The following MCM7 variants were observed in gnomAD, a reference collection of about 807,000 sequenced individuals.
MCM7 encodes DNA replication licensing factor MCM7.
MCM7 carries 95 observed loss-of-function variants against 83.5 expected under a neutral mutation model. The ratio of observed to expected loss-of-function variants is 1.14; its 90% CI spans 0.96 to 1.35. MCM7 has a LOEUF of 1.35. MCM7 is among the 40% of genes most tolerant of loss of function. The pLI is 0.00. For synonymous variants in MCM7, 461 were observed against 352.7 expected, an observed-to-expected ratio of 1.31 and a Z score of -3.44; for missense variants, 1,087 against 957.4, an observed-to-expected ratio of 1.14 and a Z score of -1.79.
chr7:100,097,235 T>C (rs1795686550), intron 10 of MCM7, 66 bp downstream of exon 10: 2 of 1,445,478 alleles, frequency 1.4e-6, no homozygotes, highest in Non-Finnish European at 1.9e-6. Context: ...GCACCCCTAC[T>C]TTTTGAATAA....
Position 100,096,127 on chromosome 7 carries a change from A to G in MCM7, c.1242T>C (p.Leu414=), listed in dbSNP as rs758902950. Residue 414 remains leucine, a synonymous_variant, in exon 11 of 15, where the codon CTT becomes CTC. Coordinates refer to ENST00000303887, the MANE Select transcript of MCM7 (RefSeq NM_005916.5). The part of the protein sequence containing the change: ...TTGRGSSGVG[L]TAAVLRDSVS... The stretch of plus-strand genomic sequence containing the variant: ...CGGAGTCTCTCAGCACAGCTGCCGT[A>G]AGCCCCACTCCTGAGGAGCCCCGGC... The G allele has an allele frequency of 4.3e-6, 7 of 1,613,362 alleles. No individual in the cohort carries two copies. The highest frequency in any genetic ancestry group is 2.2e-5 in the East Asian group (1 of 44,860).
chr7:100,093,854 G>A (rs1179664219), intron 13 of MCM7: 5 of 639,616 alleles, frequency 7.8e-6, no homozygotes, highest in African/African-American at 1.8e-5. Flanking sequence ...CCAGGACTGA[G>A]GTCCAAGACG....
In MCM7 at chr7:100,098,127, A is replaced by T; in HGVS notation, c.870+14T>A. 6.2e-7 allele frequency: 1 copy of T among 1,613,550 alleles called. No individual in the cohort carries two copies. Among genetic ancestry groups the T allele is most frequent in the Non-Finnish European group, 8.5e-7 (1 of 1,179,640 alleles). ...AAGGGGATGATCCATTCCTCATGTC[A>T]AACTCTTCCTTACCTGTACCACCTG... On this transcript the variant is annotated intron_variant, in intron 7 of 14. Transcript: ENST00000303887.
chr7:100,095,284 AGTG>A lies in MCM7; in HGVS notation c.1679+100_1679+102del, dbSNP rs951010183. 3.3e-5 allele frequency: 31 copies of A among 947,454 alleles called. No individual in the cohort carries two copies. The African/African-American group carries it at 4.2e-4, about 13-fold the overall frequency. 58.7% of individuals were successfully genotyped at this position (947,454 alleles called of 1,614,324 possible). A position where few individuals can be genotyped will look rare whatever the true frequency, so the allele number is the denominator to read the frequency against. ...GGCTCTGGACATGTCTGTAGCGGGA[AGTG>A]GTGGTGTGAAAAACACACACCCTAA... On this transcript the variant is annotated intron_variant, in intron 12 of 14. Coordinates refer to ENST00000303887, the MANE Select transcript of MCM7 (RefSeq NM_005916.5).
At chr7:100,101,193 A>C (rs1796003549) in intron 1 of MCM7, 71 bp downstream of exon 1, 1 of 1,586,118 alleles carries the variant, frequency 6.3e-7, no homozygotes, top group Non-Finnish European at 8.6e-7. Context: ...CCAAGACCCC[A>C]GCTCACACCA....
rs1795612099 is a variant in MCM7, at chr7:100,095,975, T to G, written c.1394A>C (p.Gln465Pro). The part of the protein sequence containing the change: ...RTAIHEVMEQ[Q>P]TISIAKAGIL... The stretch of plus-strand genomic sequence containing the variant: ...GCCGGCCTTGGCAATGGAGATGGTC[T>G]GCTGCTCCATGACCTCGTGGATGGC... The change falls in exon 11 of 15, where the codon CAG becomes CCG. Residue 465 changes from glutamine (Q) to proline (P), a missense_variant. Gln to Pro is a moderately conservative substitution (Grantham distance 76). Transcript: ENST00000303887. 1.9e-6 allele frequency: 3 copies of G among 1,614,144 alleles called. No homozygotes were observed. The highest frequency in any genetic ancestry group is 2.5e-6 in the Non-Finnish European group (3 of 1,180,016).
chr7:100,096,244 G>A (rs1287763860), intron 10 of MCM7, 77 bp from the exon 11 acceptor site: 13 of 1,423,628 alleles, frequency 9.1e-6, no homozygotes, highest in Non-Finnish European at 1.2e-5. Context: ...AAACGGGCCA[G>A]GGAGGCGAGG....
Position 100,093,806 on chromosome 7 carries a change from G to A in MCM7, c.1848+367C>T, listed in dbSNP as rs72631824. The A allele has an allele frequency of 6.6e-4, 413 of 622,262 alleles. 1 individual carries two copies. The highest frequency in any genetic ancestry group is 6.4e-3 in the African/African-American group (353 of 55,568). The allele number at this position is 622,262 out of a possible 1,614,324, so 38.5% of individuals were successfully genotyped here. On this transcript the variant is annotated intron_variant, in intron 13 of 14. Transcript: ENST00000303887. ...AAGTGCTAGCTCAGCAGTAGGTTGG[G>A]TAATCACACTACCTGCACGAACAGC... is the stretch of plus-strand genomic sequence containing the variant.
Position 100,096,124 on chromosome 7 carries a change from CG to C in MCM7, c.1244del (p.Thr415ArgfsTer5). The C allele has an allele frequency of 6.2e-7, 1 of 1,613,400 alleles. No homozygotes were observed. The highest frequency in any genetic ancestry group is 8.5e-7 in the Non-Finnish European group (1 of 1,179,604). The part of the protein sequence containing the change: ...TGRGSSGVGL[T>X]AAVLRDSVSG... Reference sequence around the variant, plus strand: ...TCACGGAGTCTCTCAGCACAGCTGCCGTAAGCCCCACTCCTGAGGAGCCCCG... The same window carrying C: ...TCACGGAGTCTCTCAGCACAGCTGCCTAAGCCCCACTCCTGAGGAGCCCCG... On this transcript the variant is annotated frameshift_variant, in exon 11 of 15. Coordinates refer to ENST00000303887, the MANE Select transcript of MCM7 (RefSeq NM_005916.5). LOFTEE classifies it high-confidence loss of function.
At chr7:100,094,591 A>G (rs541109504) in intron 12 of MCM7, among the ~76,000 whole-genome samples, 1 of 152,264 alleles carries the variant, frequency 6.6e-6, no homozygotes, top group South Asian at 2.1e-4. Flanking sequence ...TGGCCTTTGT[A>G]AGACAAATCC....
rs1171149282 is a variant in MCM7, at chr7:100,093,043, G to A, written c.2049C>T (p.Arg683=). 3 of 1,614,130 alleles carry A rather than the reference G, an allele frequency of 1.9e-6. No individual in the cohort carries two copies. The highest frequency in any genetic ancestry group is 1.7e-5 in the Admixed American group (1 of 60,016). The change falls in exon 15 of 15, where the codon CGC becomes CGT. Residue 683 remains arginine, a synonymous_variant. Coordinates refer to ENST00000303887, the MANE Select transcript of MCM7 (RefSeq NM_005916.5). The part of the protein sequence containing the change: ...RSVRFSEAEQ[R]CVSRGFTPAQ... ...CGGGTGTGAAGCCACGAGATACACA[G>A]CGCTGCTCTGCCTCAGAGAACCGGA... is the stretch of plus-strand genomic sequence containing the variant.
intron 7 of MCM7, 35 bp downstream of exon 7, chr7:100,098,106 G>A (rs1171295250): frequency 6.2e-7 from 1 of 1,610,410 alleles, no homozygotes; most frequent in South Asian, 1.1e-5. Flanking sequence ...AGGGAAAAGG[G>A]GATGATCCAT....
intron 12 of MCM7, among the ~76,000 whole-genome samples, chr7:100,094,661 T>C (rs563419727): frequency 1.3e-5 from 2 of 152,210 alleles, no homozygotes; most frequent in African/African-American, 4.8e-5. Context: ...GCAAAACATA[T>C]ATTTTATTTA....
intron 6 of MCM7, 80 bp from the exon 7 acceptor site, chr7:100,098,370 G>T: frequency 6.5e-7 from 1 of 1,547,280 alleles, no homozygotes; most frequent in African/African-American, 1.4e-5. Context: ...CCACTCAAAG[G>T]CTCCCAGGCT....
At chr7:100,097,977 T>C in intron 7 of MCM7, 29 bp from the exon 8 acceptor site, 1 of 1,602,864 alleles carries the variant, frequency 6.2e-7, no homozygotes, top group Non-Finnish European at 8.5e-7. Flanking sequence ...AGGATACAGA[T>C]GTAATCCCTT....
At chr7:100,099,245 A>C (rs1260431023) in intron 4 of MCM7, 34 bp downstream of exon 4, 1 of 1,614,078 alleles carries the variant, frequency 6.2e-7, no homozygotes, top group Admixed American at 1.7e-5. Flanking sequence ...CTGGAGAACC[A>C]ATCCCTACAT....
Position 100,099,286 on chromosome 7 carries a change from G to T in MCM7, c.394C>A (p.Arg132Ser), listed in dbSNP as rs753188990. 4 of 1,613,972 alleles carry T rather than the reference G, an allele frequency of 2.5e-6. No individual in the cohort carries two copies. Among genetic ancestry groups the T allele is most frequent in the Non-Finnish European group, 3.4e-6 (4 of 1,180,026 alleles). Reference sequence around the variant, plus strand: ...CCGACAGAGACCACTCACAATCTGCGCATGAGTTCAGCAGGGTACTGGTTC... The same window carrying T: ...CCGACAGAGACCACTCACAATCTGCTCATGAGTTCAGCAGGGTACTGGTTC... ...PQNQYPAELM[R>S]RFELYFQGPS... The change falls in exon 4 of 15, where the codon CGC becomes AGC. Residue 132 changes from arginine to serine, a missense_variant. Physicochemically the swap from Arg to Ser is moderately radical, Grantham distance 110 (BLOSUM62 -1). Coordinates refer to ENST00000303887, the MANE Select transcript of MCM7 (RefSeq NM_005916.5).
chr7:100,099,932 CT>C, intron 2 of MCM7, 81 bp downstream of exon 2: 1 of 1,465,776 alleles, frequency 6.8e-7, no homozygotes, highest in African/African-American at 1.4e-5. Flanking sequence ...ATTGTTATGT[CT>C]TTAATAAAAC....
chr7:100,101,369 C>T lies in MCM7; in HGVS notation c.-75G>A, dbSNP rs563848236. On this transcript the variant is annotated 5_prime_UTR_variant, in exon 1 of 15. Transcript: ENST00000303887. ...CCTGGGGAAGCTGAGAATCTCCGCG[C>T]GGTGGACTGTGGCCGGCCAACCGAA... is the stretch of plus-strand genomic sequence containing the variant. 154 of 1,595,672 alleles carry T rather than the reference C, an allele frequency of 9.7e-5. 1 individual carries two copies. Among genetic ancestry groups the T allele is most frequent in the Middle Eastern group, 8.3e-4 (5 of 6,016 alleles).
Sources: gnomAD v4.1 joint callset for allele counts (sites outside exome capture counted in the v4.1 genomes callset) on GRCh38, gnomAD v4.1.1 for gene constraint, MANE v1.5 for transcripts, NCBI Gene and HGNC (gene_info 2026-07-23, HGNC 2026-07-21) for gene names.